TOM1L2: variants seen among roughly 807,000 people sequenced by gnomAD.
TOM1L2 encodes TOM1-like protein 2.
In TOM1L2, 31 loss-of-function variants were observed where a neutral mutation model predicts 67.9. That is an observed-to-expected ratio of 0.46 (90% CI 0.34 to 0.62). The LOEUF (loss-of-function observed/expected upper bound fraction) is 0.62. TOM1L2 is among the 20% of genes least tolerant of loss of function. The pLI, the probability that TOM1L2 is intolerant of heterozygous loss-of-function variation, is 0.01. For missense variants in TOM1L2, 606 were observed against 663.5 expected (o/e 0.91, Z 0.95); for synonymous variants, 256 against 254.0 (o/e 1.01, Z -0.07).
chr17:17,954,502 G>T (rs140263207), intron 1 of TOM1L2, among the ~76,000 whole-genome samples: 1 of 152,098 alleles, frequency 6.6e-6, no homozygotes, highest in South Asian at 2.1e-4. Flanking sequence ...TAGTAGAGAC[G>T]GGGTTTCGCC....
At chr17:17,886,867 G>A (rs1200144120) in intron 4 of TOM1L2, among the ~76,000 whole-genome samples, 1 of 152,220 alleles carries the variant, frequency 6.6e-6, no homozygotes, top group Non-Finnish European at 1.5e-5. Flanking sequence ...CCCAAGTTGG[G>A]CCAATCAGAT....
In TOM1L2 at chr17:17,915,124, T is replaced by G. The variant is rs574277184; in HGVS notation, c.53-7593A>C. 5.9e-5 allele frequency among the ~76,000 whole-genome samples: 9 copies of G among 152,352 alleles called. No homozygotes were observed. The East Asian group carries it at 1.7e-3, about 29-fold the overall frequency. On this transcript the variant is annotated intron_variant, in intron 1 of 14. Transcript: ENST00000379504. ...TTCCAGCCTGTACAGAGGTCTTCTA[T>G]GTTATTATCTGAGTATCGGCGAAGT...
At chr17:17,879,261 A>T (rs1420811148) in intron 7 of TOM1L2, among the ~76,000 whole-genome samples, 4 of 152,308 alleles carry the variant, frequency 2.6e-5, no homozygotes, top group African/African-American at 7.2e-5. Context: ...TTTAAAATAA[A>T]CCTACAAAAA....
intron 12 of TOM1L2, among the ~76,000 whole-genome samples, chr17:17,854,737 T>C (rs1381036266): frequency 6.6e-6 from 1 of 151,928 alleles, no homozygotes; most frequent in East Asian, 1.9e-4. Context: ...TTTTGCCATG[T>C]TGGCCAGGCT....
intron 12 of TOM1L2, among the ~76,000 whole-genome samples, chr17:17,861,234 CTGGG>C (rs1443901157): frequency 6.6e-6 from 1 of 152,192 alleles, no homozygotes; most frequent in African/African-American, 2.4e-5. Flanking sequence ...TCCCACCTGC[CTGGG>C]ACTGTTTTCT....
chr17:17,880,959 C>T (rs1351358450), intron 6 of TOM1L2, among the ~76,000 whole-genome samples: 2 of 152,220 alleles, frequency 1.3e-5, no homozygotes, highest in Non-Finnish European at 2.9e-5. Context: ...AGCAACCACT[C>T]CCGCCTCCTC....
At chr17:17,923,065 C>T (rs973291875) in intron 1 of TOM1L2, among the ~76,000 whole-genome samples, 9 of 152,186 alleles carry the variant, frequency 5.9e-5, no homozygotes, top group African/African-American at 2.2e-4. Context: ...GAAAGACTCC[C>T]AGAAGTTTCC....
chr17:17,932,763 T>G (rs909674555), intron 1 of TOM1L2, among the ~76,000 whole-genome samples: 1 of 152,174 alleles, frequency 6.6e-6, no homozygotes, highest in Non-Finnish European at 1.5e-5. Flanking sequence ...TTAATAAATA[T>G]GGAAATGGTT....
chr17:17,857,370 G>A (rs1159679333), intron 12 of TOM1L2, among the ~76,000 whole-genome samples: 1 of 152,212 alleles, frequency 6.6e-6, no homozygotes, highest in African/African-American at 2.4e-5. Context: ...GGCTACAGAG[G>A]GCTTCCCTGA....
chr17:17,849,866 G>A (rs1360292948), intron 13 of TOM1L2, among the ~76,000 whole-genome samples: 1 of 152,224 alleles, frequency 6.6e-6, no homozygotes, highest in Non-Finnish European at 1.5e-5. Flanking sequence ...TGGGAAAGAT[G>A]TCCCGGGGTG....
At chr17:17,958,872 G>A (rs892191628) in intron 1 of TOM1L2, among the ~76,000 whole-genome samples, 1 of 152,140 alleles carries the variant, frequency 6.6e-6, no homozygotes, top group Non-Finnish European at 1.5e-5. Context: ...AAAGGGGAGA[G>A]GGACTAGAGG....
chr17:17,905,364 G>GGGAAAC (rs2039045789), intron 2 of TOM1L2, among the ~76,000 whole-genome samples: 1 of 152,188 alleles, frequency 6.6e-6, no homozygotes, highest in African/African-American at 2.4e-5. Flanking sequence ...GGAAACAGCA[G>GGGAAAC]CTCCATCCCA....
chr17:17,849,714 C>T (rs1197007202), intron 13 of TOM1L2, among the ~76,000 whole-genome samples: 1 of 152,226 alleles, frequency 6.6e-6, no homozygotes, highest in Non-Finnish European at 1.5e-5. Context: ...TCCTTCCTGA[C>T]TCTACCACTG....
At chr17:17,868,105 G>T (rs544958163) in intron 8 of TOM1L2, among the ~76,000 whole-genome samples, 38 of 152,302 alleles carry the variant, frequency 2.5e-4, no homozygotes, top group Middle Eastern at 3.4e-3. Flanking sequence ...AGGTTTAATA[G>T]GTTAAACCCA....
chr17:17,873,841 C>T (rs1346077633), intron 7 of TOM1L2, among the ~76,000 whole-genome samples: 2 of 152,226 alleles, frequency 1.3e-5, no homozygotes, highest in African/African-American at 2.4e-5. Flanking sequence ...CTCCATGGCA[C>T]GGGGCCAGGG....
At chr17:17,952,554 G>GCC (rs2041257607) in intron 1 of TOM1L2, among the ~76,000 whole-genome samples, 1 of 151,676 alleles carries the variant, frequency 6.6e-6, no homozygotes. Context: ...GCCACGCCTG[G>GCC]CTAAGTTTTT....
intron 1 of TOM1L2, among the ~76,000 whole-genome samples, chr17:17,913,511 G>A (rs142783691): frequency 0.025 from 3,770 of 152,172 alleles, 132 homozygotes; most frequent in African/African-American, 0.08. Flanking sequence ...CTTTTATGAA[G>A]AGAAAAATCA....
At chr17:17,955,104 C>T (rs374805696) in intron 1 of TOM1L2, among the ~76,000 whole-genome samples, 3 of 152,312 alleles carry the variant, frequency 2.0e-5, no homozygotes, top group African/African-American at 7.2e-5. Flanking sequence ...CATAGTTAGT[C>T]TCTCATCTGC....
intron 1 of TOM1L2, among the ~76,000 whole-genome samples, chr17:17,956,842 C>G (rs533647472): frequency 1.3e-5 from 2 of 152,204 alleles, no homozygotes; most frequent in African/African-American, 2.4e-5. Flanking sequence ...GGTTCCCGCC[C>G]GCGCCTCTCC....
Sources: allele counts gnomAD v4.1 joint callset (sites outside exome capture counted in the v4.1 genomes callset), GRCh38; gene constraint gnomAD v4.1.1; transcripts MANE v1.5; gene names NCBI Gene and HGNC (gene_info 2026-07-23, HGNC 2026-07-21).